Variants in KCNQ1 observed in about 807,000 individuals in gnomAD.
KCNQ1 encodes the protein potassium voltage-gated channel subfamily Q member 1.
A neutral mutation model predicts 72.4 loss-of-function variants in KCNQ1; 49 were observed. The observed-to-expected ratio is 0.68, with a 90% CI of 0.54 to 0.86. KCNQ1 has a LOEUF of 0.86. Ranked by LOEUF, KCNQ1 falls within the 40% of genes least tolerant of loss-of-function variation. The probability of loss-of-function intolerance (pLI) is 0.00; values close to 1 mark genes in which losing one functional copy is unlikely to be tolerated. For missense variants in KCNQ1, 790 were observed against 945.1 expected (o/e 0.84, Z 2.15); for synonymous variants, 450 against 412.6 (o/e 1.09, Z -1.10).
At chr11:2,570,894 G>A in intron 3 of KCNQ1, 140 bp downstream of exon 3, 1 of 1,170,338 alleles carries the variant, frequency 8.5e-7, no homozygotes, top group Non-Finnish European at 1.2e-6. Flanking sequence ...CCAGGACCCA[G>A]CACAGGAGCA....
chr11:2,703,943 C>T lies in KCNQ1; in HGVS notation c.1514+41862C>T, dbSNP rs1432827189. Among the ~76,000 whole-genome samples the T allele has an allele frequency of 6.6e-6, 1 of 152,100 alleles. No individual in the cohort carries two copies. Among genetic ancestry groups the T allele is most frequent in the African/African-American group, 2.4e-5 (1 of 41,414 alleles). On this transcript the variant is annotated intron_variant, in intron 11 of 15. Coordinates refer to ENST00000155840, the MANE Select transcript of KCNQ1 (RefSeq NM_000218.3). The surrounding 1 kb of genome is among the most constrained non-coding windows in gnomAD (Gnocchi z 6.4). ...AGTCCATCTGAAGAAAGGCCCCACC[C>T]CACGCTGCTCTCAGGAGTGGACAGG...
At chr11:2,539,902 T>TGTCC (rs1564810702) in intron 2 of KCNQ1, among the ~76,000 whole-genome samples, 3 of 152,192 alleles carry the variant, frequency 2.0e-5, no homozygotes, top group Non-Finnish European at 4.4e-5. Flanking sequence ...GGTTGGGTTA[T>TGTCC]GTCCTTGTTT....
Position 2,674,832 on chromosome 11 carries a change from TAAAAAAAAAAAA to T in KCNQ1, c.1514+12768_1514+12779del, listed in dbSNP as rs34219164. 6 of 303,900 alleles carry T rather than the reference TAAAAAAAAAAAA, an allele frequency of 2.0e-5. No homozygotes were observed. Among genetic ancestry groups the T allele is most frequent in the East Asian group, 4.8e-5 (1 of 20,794 alleles). 18.8% of individuals were successfully genotyped at this position (303,900 alleles called of 1,614,324 possible). A position where few individuals can be genotyped will look rare whatever the true frequency, so the allele number is the denominator to read the frequency against. ...GCTTGTCACCCTAATAGCTGTTTTTTAAAAAAAAAAAAAAAAAAAAAAAAAAAAGCTCACTGG... is the reference window on the plus strand; with the variant it reads ...GCTTGTCACCCTAATAGCTGTTTTTTAAAAAAAAAAAAAAAAGCTCACTGG... On this transcript the variant is annotated intron_variant, in intron 11 of 15. Coordinates refer to ENST00000155840, the MANE Select transcript of KCNQ1 (RefSeq NM_000218.3). The surrounding 1 kb of genome is among the most constrained non-coding windows in gnomAD (Gnocchi z 5.9).
At chr11:2,780,860 G>A (rs234886) in intron 15 of KCNQ1, among the ~76,000 whole-genome samples, 1 of 152,194 alleles carries the variant, frequency 6.6e-6, no homozygotes, top group Admixed American at 6.5e-5. Flanking sequence ...AGTCCTGCGG[G>A]CTCGTCAAAA....
At chr11:2,597,531 TG>T (rs1390890848) in intron 10 of KCNQ1, among the ~76,000 whole-genome samples, 1 of 152,204 alleles carries the variant, frequency 6.6e-6, no homozygotes, top group African/African-American at 2.4e-5. Flanking sequence ...CCCTGATATC[TG>T]ATCCTAGAAA....
rs1369544529 is a variant in KCNQ1 at position 2,659,083 on chromosome 11, T to A, written c.1394-2878T>A. On this transcript the variant is annotated intron_variant, in intron 10 of 15. Coordinates refer to ENST00000155840, the MANE Select transcript of KCNQ1 (RefSeq NM_000218.3). The surrounding 1 kb of genome is among the most constrained non-coding windows in gnomAD (Gnocchi z 4.3). ...CACGCTCATCATAGTCTGCTTTTCA[T>A]CGTAGGGTCCTCCAACATCCGGGTT... The A allele has an allele frequency of 2.5e-6, 1 of 398,520 alleles. No homozygotes were observed. Among genetic ancestry groups the A allele is most frequent in the Non-Finnish European group, 4.4e-6 (1 of 226,052 alleles). The allele number at this position is 398,520 out of a possible 1,614,324, so 24.7% of individuals were successfully genotyped here.
Position 2,813,444 on chromosome 11 carries a change from C to T in KCNQ1, c.1795-34323C>T, listed in dbSNP as rs1216945751. On this transcript the variant is annotated intron_variant, in intron 15 of 15. Transcript: ENST00000155840. This position sits in a 1 kb window ranked among gnomAD's most constrained non-coding sequence, Gnocchi z 4.4. ...CCGTCAGTGCTTAGAGCAAATGCCC[C>T]TCCCCCGCCATCTTTTCATGACTCT... Among the ~76,000 whole-genome samples the T allele has an allele frequency of 2.0e-5, 3 of 152,036 alleles. No homozygotes were observed. Among genetic ancestry groups the T allele is most frequent in the Non-Finnish European group, 4.4e-5 (3 of 68,026 alleles).
chr11:2,641,712 C>T lies in KCNQ1; in HGVS notation c.1394-20249C>T, dbSNP rs192078954. On this transcript the variant is annotated intron_variant, in intron 10 of 15. Coordinates refer to ENST00000155840, the MANE Select transcript of KCNQ1 (RefSeq NM_000218.3). ...CTTATCCATAAAATCTTTCCCTAGA[C>T]CAATGTCCTAAAGTGTTTCCCCAAT... 463 of 398,394 alleles carry T rather than the reference C, an allele frequency of 1.2e-3. 2 individuals carry two copies. The highest frequency in any genetic ancestry group is 8.8e-3 in the African/African-American group (429 of 48,720). 24.7% of individuals were successfully genotyped at this position (398,394 alleles called of 1,614,324 possible). A position where few individuals can be genotyped will look rare whatever the true frequency, so the allele number is the denominator to read the frequency against.
rs187565728 is a variant in KCNQ1, at chr11:2,566,040, G to A, written c.478-4588G>A. Among the ~76,000 whole-genome samples, 31 of 151,878 alleles carry A rather than the reference G, an allele frequency of 2.0e-4. No homozygotes were observed. In the East Asian group the frequency reaches 5.6e-3, roughly 28 times the overall value. Reference sequence around the variant, plus strand: ...AGGCAGGGCGGCTGGTGGTGCTGACGGCTCTGTGAGGCCCAGGCCTGTCTT... The same window carrying A: ...AGGCAGGGCGGCTGGTGGTGCTGACAGCTCTGTGAGGCCCAGGCCTGTCTT... On this transcript the variant is annotated intron_variant, in intron 2 of 15. Coordinates refer to ENST00000155840, the MANE Select transcript of KCNQ1 (RefSeq NM_000218.3). The surrounding 1 kb of genome is among the most constrained non-coding windows in gnomAD (Gnocchi z 6.7).
chr11:2,624,748 C>A lies in KCNQ1; in HGVS notation c.1393+35894C>A, dbSNP rs1849236312. 1.3e-5 allele frequency: 5 copies of A among 398,372 alleles called. No individual in the cohort carries two copies. The allele number at this position is 398,372 out of a possible 1,614,324, so 24.7% of individuals were successfully genotyped here. On this transcript the variant is annotated intron_variant, in intron 10 of 15. Transcript: ENST00000155840. This position sits in a 1 kb window ranked among gnomAD's most constrained non-coding sequence, Gnocchi z 4.9. ...TTAAACAATAATTCCCCAACCCCCC[C>A]ACCACCGCCATCTCTTGGAAACCAC...
At chr11:2,513,773 C>T (rs370537418) in intron 1 of KCNQ1, among the ~76,000 whole-genome samples, 43 of 152,364 alleles carry the variant, frequency 2.8e-4, no homozygotes, top group African/African-American at 9.6e-4. Context: ...GGTTGCCATT[C>T]TCTCTGCCTA....
chr11:2,619,084 T>G (rs1406770755), intron 10 of KCNQ1: 1 of 398,400 alleles, frequency 2.5e-6, no homozygotes, highest in African/African-American at 2.1e-5. Flanking sequence ...GTCAGAGTCT[T>G]CGGGGTTTTC....
rs971684262 is a variant in KCNQ1, at chr11:2,784,878, G to T, written c.1794+6841G>T. 6.6e-6 allele frequency among the ~76,000 whole-genome samples: 1 copy of T among 151,868 alleles called. No individual in the cohort carries two copies. Among genetic ancestry groups the T allele is most frequent in the African/African-American group, 2.4e-5 (1 of 41,388 alleles). ...AACATTAAATTTTTATATCAATCTT[G>T]TAAACTGACTTTTCTATTCTTGGCT... On this transcript the variant is annotated intron_variant, in intron 15 of 15. Coordinates refer to ENST00000155840, the MANE Select transcript of KCNQ1 (RefSeq NM_000218.3). This position sits in a 1 kb window ranked among gnomAD's most constrained non-coding sequence, Gnocchi z 4.7.
At position 2,664,101 on chromosome 11, in the gene KCNQ1, T is replaced by C. The variant is rs946735554; in HGVS notation, c.1514+2020T>C. On this transcript the variant is annotated intron_variant, in intron 11 of 15. Transcript: ENST00000155840. The surrounding 1 kb of genome is among the most constrained non-coding windows in gnomAD (Gnocchi z 5.1). ...CCAGGCAGGTCAGAGACTCCAGTCA[T>C]TACCCAACCAGGTCCCTGCCCTGTA... is the stretch of plus-strand genomic sequence containing the variant. 1 of 398,708 alleles carries C rather than the reference T, an allele frequency of 2.5e-6. No individual in the cohort carries two copies. Among genetic ancestry groups the C allele is most frequent in the Non-Finnish European group, 4.4e-6 (1 of 226,146 alleles). 24.7% of individuals were successfully genotyped at this position (398,708 alleles called of 1,614,324 possible). A position where few individuals can be genotyped will look rare whatever the true frequency, so the allele number is the denominator to read the frequency against.
In KCNQ1 at chr11:2,733,814, A is replaced by ACACACACACTCTCT; in HGVS notation, c.1515-35029_1515-35028insACACACACTCTCTC. ...CACACACACACACACACACACACAC[A>ACACACACACTCTCT]CTCTCTCACTCTCTCTCTCTCTCTC... On this transcript the variant is annotated intron_variant, in intron 11 of 15. Transcript: ENST00000155840. 2.8e-4 allele frequency among the ~76,000 whole-genome samples: 24 copies of ACACACACACTCTCT among 86,658 alleles called. No homozygotes were observed. In the South Asian group the frequency reaches 3.5e-3, roughly 13 times the overall value. 56.9% of individuals were successfully genotyped at this position (86,658 alleles called of 152,430 possible).
Position 2,699,200 on chromosome 11 carries a change from C to T in KCNQ1, c.1514+37119C>T, listed in dbSNP as rs545479259. 4.0e-5 allele frequency: 16 copies of T among 398,742 alleles called. No homozygotes were observed. The South Asian group carries it at 1.4e-3, about 35-fold the overall frequency. The allele number at this position is 398,742 out of a possible 1,614,324, so 24.7% of individuals were successfully genotyped here. A position where few individuals can be genotyped will look rare whatever the true frequency, so the allele number is the denominator to read the frequency against. ...TAGACCCGGAATCCGATCCTTGGGACGCGGCCAGGAACTCGGACCTCGACC... is the reference window on the plus strand; with the variant it reads ...TAGACCCGGAATCCGATCCTTGGGATGCGGCCAGGAACTCGGACCTCGACC... On this transcript the variant is annotated intron_variant, in intron 11 of 15. Coordinates refer to ENST00000155840, the MANE Select transcript of KCNQ1 (RefSeq NM_000218.3).
intron 11 of KCNQ1, among the ~76,000 whole-genome samples, chr11:2,758,921 C>A (rs142388280): frequency 6.6e-6 from 1 of 152,124 alleles, no homozygotes; most frequent in Non-Finnish European, 1.5e-5. Context: ...GCACAGGAGA[C>A]GCAGAGGGGG....
In KCNQ1 at chr11:2,782,307, A is replaced by G. The variant is rs1037909961; in HGVS notation, c.1794+4270A>G. On this transcript the variant is annotated intron_variant, in intron 15 of 15. Coordinates refer to ENST00000155840, the MANE Select transcript of KCNQ1 (RefSeq NM_000218.3). The surrounding 1 kb of genome is among the most constrained non-coding windows in gnomAD (Gnocchi z 6.1). ...CACCCACCAATCCTTCACATTGTAT[A>G]TTATTTCTTAAACACTGCTGAAATC... Among the ~76,000 whole-genome samples the G allele has an allele frequency of 3.3e-5, 5 of 152,138 alleles. No homozygotes were observed. In the East Asian group the frequency reaches 9.6e-4, roughly 29 times the overall value.
At chr11:2,741,013 C>T (rs764008375) in intron 11 of KCNQ1, among the ~76,000 whole-genome samples, 1 of 152,180 alleles carries the variant, frequency 6.6e-6, no homozygotes, top group Non-Finnish European at 1.5e-5. Context: ...GTGACGCATG[C>T]GTGAGTTCCA....
Sources: gnomAD v4.1 joint callset for allele counts (sites outside exome capture counted in the v4.1 genomes callset) on GRCh38, gnomAD v4.1.1 for gene constraint, Gnocchi (gnomAD v3.1) non-coding constraint, MANE v1.5 for transcripts, NCBI Gene and HGNC (gene_info 2026-07-23, HGNC 2026-07-21) for gene names.